EDIL3: variants seen among roughly 807,000 people sequenced by gnomAD.
EDIL3 encodes the protein EGF like and discoidin domains 3.
In EDIL3, 37 loss-of-function variants were observed where a neutral mutation model predicts 67.4. That is an observed-to-expected ratio of 0.55 (90% confidence interval 0.42 to 0.72). The LOEUF (loss-of-function observed/expected upper bound fraction) is 0.72. EDIL3 is among the 30% of genes least tolerant of loss of function. The pLI, the probability that EDIL3 is intolerant of heterozygous loss-of-function variation, is 0.00. For missense variants in EDIL3, 527 were observed against 586.3 expected (o/e 0.90, Z 1.04); for synonymous variants, 195 against 196.3 (o/e 0.99, Z 0.05).
At chr5:84,048,311 C>T (rs1270304203) in intron 9 of EDIL3, 1 of 418,410 alleles carries the variant, frequency 2.4e-6, no homozygotes, top group Non-Finnish European at 4.8e-6. Context: ...TAAGTTAATG[C>T]TTTAATGAAG....
intron 1 of EDIL3, among the ~76,000 whole-genome samples, chr5:84,296,515 AAT>A (rs1033766330): frequency 5.1e-4 from 78 of 151,978 alleles, no homozygotes; most frequent in Admixed American, 1.4e-3. Flanking sequence ...ATTTTGAGAA[AAT>A]ATGTTTTTAA....
chr5:84,262,318 G>A (rs1745239525), intron 1 of EDIL3, among the ~76,000 whole-genome samples: 1 of 152,080 alleles, frequency 6.6e-6, no homozygotes, highest in African/African-American at 2.4e-5. Flanking sequence ...AAGGAGAAAG[G>A]AATAGGAAAA....
intron 9 of EDIL3, among the ~76,000 whole-genome samples, chr5:84,012,389 G>A (rs146004982): frequency 6.0e-4 from 92 of 152,146 alleles, no homozygotes; most frequent in African/African-American, 2.2e-3. Context: ...GGAAATATTG[G>A]CATTATGCAT....
chr5:84,127,944 T>C (rs1025580040), intron 5 of EDIL3, among the ~76,000 whole-genome samples: 10 of 152,178 alleles, frequency 6.6e-5, no homozygotes, highest in Non-Finnish European at 1.5e-4. Context: ...TACTATCTTA[T>C]CAGGATGTCC....
intron 10 of EDIL3, among the ~76,000 whole-genome samples, chr5:83,951,545 C>T (rs1744422204): frequency 6.6e-6 from 1 of 151,518 alleles, no homozygotes; most frequent in African/African-American, 2.4e-5. Flanking sequence ...TAATAATTGG[C>T]CAAAACATAG....
chr5:84,309,945 T>C (rs1035457672), intron 1 of EDIL3, among the ~76,000 whole-genome samples: 3 of 152,214 alleles, frequency 2.0e-5, no homozygotes, highest in African/African-American at 4.8e-5. Flanking sequence ...TGAACTAGTT[T>C]ACAGTCCCAC....
chr5:84,217,819 C>T lies in EDIL3; in HGVS notation c.226+12036G>A, dbSNP rs564009899. On this transcript the variant is annotated intron_variant, in intron 3 of 10. Transcript: ENST00000296591. The stretch of plus-strand genomic sequence containing the variant: ...GTAGAACCCTGAGAGATAAACTCTC[C>T]TTTTCTTTTTAAATCAGTTTCCATT... 2.7e-5 allele frequency among the ~76,000 whole-genome samples: 4 copies of T among 149,142 alleles called. No individual in the cohort carries two copies. In the South Asian group the frequency reaches 8.6e-4, roughly 32 times the overall value.
intron 4 of EDIL3, among the ~76,000 whole-genome samples, chr5:84,162,639 G>A (rs1748633424): frequency 6.6e-6 from 1 of 152,032 alleles, no homozygotes; most frequent in Admixed American, 6.6e-5. Flanking sequence ...TCCCCTTGGA[G>A]CACCATGTTG....
At position 83,963,270 on chromosome 5, in the gene EDIL3, G is replaced by C. The variant is rs1197973626; in HGVS notation, c.1228C>G (p.Leu410Val). The C allele has an allele frequency of 6.2e-7, 1 of 1,610,120 alleles. No individual in the cohort carries two copies. Among genetic ancestry groups the C allele is most frequent in the African/African-American group, 1.3e-5 (1 of 74,564 alleles). ...GHVQFVGSYKLAYSNDGEHWT... is the reference protein window; with the variant it reads ...GHVQFVGSYKVAYSNDGEHWT... ...TGTTCTCCATCATTGCTGTAAGCCA[G>C]TTTGTAGGAGCCAACAAACTGTACA... Residue 410 changes from leucine to valine, a missense_variant, in exon 10 of 11, where the codon CTG becomes GTG. This residue lies in a region of EDIL3 where 494 missense variants were observed against 522.5 expected (regional missense o/e 0.95). Coordinates refer to ENST00000296591, the MANE Select transcript of EDIL3 (RefSeq NM_005711.5).
chr5:84,095,038 T>A (rs963742970), intron 6 of EDIL3, among the ~76,000 whole-genome samples: 2 of 152,188 alleles, frequency 1.3e-5, no homozygotes, highest in African/African-American at 4.8e-5. Flanking sequence ...TAGGTGGTCA[T>A]CACTACTTGC....
At chr5:84,096,248 C>T (rs1747261039) in intron 6 of EDIL3, among the ~76,000 whole-genome samples, 1 of 152,144 alleles carries the variant, frequency 6.6e-6, no homozygotes, top group Non-Finnish European at 1.5e-5. Flanking sequence ...GGTAGATCCC[C>T]CAACAGCTTG....
chr5:84,161,700 A>T lies in EDIL3; in HGVS notation c.355+18693T>A, dbSNP rs1284676045. Among the ~76,000 whole-genome samples the T allele has an allele frequency of 3.9e-5, 6 of 152,078 alleles. No homozygotes were observed. In the East Asian group the frequency reaches 1.2e-3, roughly 29 times the overall value. ...ATCTAAAAATTCATAGTGATATCCA[A>T]GTTGGAACTCCTCATTCCCAGCTTA... On this transcript the variant is annotated intron_variant, in intron 4 of 10. Coordinates refer to ENST00000296591, the MANE Select transcript of EDIL3 (RefSeq NM_005711.5).
At chr5:84,042,021 T>A (rs1462630847) in intron 9 of EDIL3, among the ~76,000 whole-genome samples, 1 of 152,184 alleles carries the variant, frequency 6.6e-6, no homozygotes, top group East Asian at 1.9e-4. Context: ...CATTTGGTTT[T>A]GCTAATTATG....
At chr5:84,053,590 GA>G (rs1746383057) in intron 9 of EDIL3, among the ~76,000 whole-genome samples, 1 of 151,474 alleles carries the variant, frequency 6.6e-6, no homozygotes, top group East Asian at 1.9e-4. Flanking sequence ...AAAGAGAGAA[GA>G]ATCAAATAGA....
At chr5:84,119,848 C>T (rs956280494) in intron 5 of EDIL3, among the ~76,000 whole-genome samples, 8 of 151,886 alleles carry the variant, frequency 5.3e-5, no homozygotes, top group African/African-American at 1.9e-4. Context: ...CATTTCCCCC[C>T]AAATTGAATA....
At chr5:83,971,412 G>A (rs911012145) in intron 9 of EDIL3, among the ~76,000 whole-genome samples, 5 of 151,436 alleles carry the variant, frequency 3.3e-5, no homozygotes, top group Non-Finnish European at 5.9e-5. Flanking sequence ...GAGTAGCTAG[G>A]GGCATGCACC....
chr5:84,189,408 T>C (rs1467469836), intron 3 of EDIL3, among the ~76,000 whole-genome samples: 8 of 151,996 alleles, frequency 5.3e-5, no homozygotes, highest in African/African-American at 1.4e-4. Context: ...TCTGAGAAAG[T>C]CTTTATATAT....
intron 3 of EDIL3, among the ~76,000 whole-genome samples, chr5:84,186,049 T>A (rs1481738362): frequency 1.3e-5 from 2 of 152,110 alleles, no homozygotes; most frequent in African/African-American, 4.8e-5. Flanking sequence ...CCAAAAGTTA[T>A]GTTTGATGCT....
At chr5:84,255,960 C>A (rs1745114667) in intron 1 of EDIL3, among the ~76,000 whole-genome samples, 1 of 152,082 alleles carries the variant, frequency 6.6e-6, no homozygotes, top group African/African-American at 2.4e-5. Context: ...GATAAGGAAT[C>A]AATGAGAGAG....
Sources: allele counts gnomAD v4.1 joint callset (sites outside exome capture counted in the v4.1 genomes callset), GRCh38; gene constraint gnomAD v4.1.1; regional missense constraint gnomAD v4.1.1; transcripts MANE v1.5; gene names NCBI Gene and HGNC (gene_info 2026-07-23, HGNC 2026-07-21).